SORBS2: variants seen among roughly 807,000 people sequenced by gnomAD.
SORBS2 encodes sorbin and SH3 domain-containing protein 2.
Under a neutral mutation model 97.7 loss-of-function variants are expected in SORBS2, and 46 were observed. The observed-to-expected ratio is 0.47, with a 90% confidence interval of 0.37 to 0.60. The LOEUF (loss-of-function observed/expected upper bound fraction) is 0.60. SORBS2 is among the 20% of genes least tolerant of loss of function. SORBS2 has a pLI of 0.00. For synonymous variants in SORBS2, 476 were observed against 473.4 expected (o/e 1.01, Z -0.07); for missense variants, 1,316 against 1,282.3 (o/e 1.03, Z -0.40).
chr4:185,638,489 G>C lies in SORBS2; in HGVS notation c.397-7891C>G, dbSNP rs577714970. On this transcript the variant is annotated intron_variant, in intron 4 of 14. Transcript: ENST00000418609. ...ACCACTCTCTGCGGCAGCGAGACTG[G>C]GTCTGGCTGGCACGCCTGATGTTTG... 2.0e-5 allele frequency among the ~76,000 whole-genome samples: 3 copies of C among 152,192 alleles called. No individual in the cohort carries two copies. The East Asian group carries it at 5.8e-4, about 29-fold the overall frequency.
chr4:185,857,551 G>T (rs1040957408), intron 1 of SORBS2, among the ~76,000 whole-genome samples: 1 of 152,168 alleles, frequency 6.6e-6, no homozygotes, highest in Admixed American at 6.5e-5. Context: ...GATTTTCAGG[G>T]AACAAGGAAA....
At chr4:185,930,549 C>G (rs1179605841) in intron 1 of SORBS2, among the ~76,000 whole-genome samples, 1 of 152,080 alleles carries the variant, frequency 6.6e-6, no homozygotes, top group Non-Finnish European at 1.5e-5. Flanking sequence ...CCGCCTGCCT[C>G]GGCCTCCCAA....
intron 1 of SORBS2, among the ~76,000 whole-genome samples, chr4:185,939,978 A>T (rs2099271045): frequency 6.6e-6 from 1 of 152,180 alleles, no homozygotes; most frequent in Admixed American, 6.5e-5. Flanking sequence ...TCTTGGTAGC[A>T]TTTGACCCAG....
chr4:185,695,700 AG>A (rs1296671766), intron 2 of SORBS2, among the ~76,000 whole-genome samples: 8 of 152,252 alleles, frequency 5.3e-5, no homozygotes, highest in Admixed American at 6.5e-5. Context: ...TGGTAAAATA[AG>A]AAGTATTCAT....
intron 7 of SORBS2, among the ~76,000 whole-genome samples, chr4:185,621,644 G>A (rs1354115120): frequency 6.6e-6 from 1 of 152,186 alleles, no homozygotes; most frequent in Admixed American, 6.5e-5. Flanking sequence ...TAAGTGTATA[G>A]TGTAGCAAAA....
intron 1 of SORBS2, among the ~76,000 whole-genome samples, chr4:185,799,945 C>T (rs2099122550): frequency 6.6e-6 from 1 of 152,178 alleles, no homozygotes; most frequent in Non-Finnish European, 1.5e-5. Flanking sequence ...CTCCTATAAT[C>T]CCATCACTTT....
intron 1 of SORBS2, among the ~76,000 whole-genome samples, chr4:185,912,780 A>C (rs1224310354): frequency 6.6e-6 from 1 of 152,128 alleles, no homozygotes; most frequent in Non-Finnish European, 1.5e-5. Flanking sequence ...TTTGCTCTGG[A>C]GAACATCAAG....
intron 1 of SORBS2, among the ~76,000 whole-genome samples, chr4:185,875,037 T>C (rs982841290): frequency 3.0e-4 from 45 of 152,146 alleles, no homozygotes; most frequent in Admixed American, 2.9e-3. Flanking sequence ...GAGGCAGTCA[T>C]TTGGAAATTC....
chr4:185,683,069 C>T (rs982132037), intron 2 of SORBS2, among the ~76,000 whole-genome samples: 1 of 151,532 alleles, frequency 6.6e-6, no homozygotes, highest in African/African-American at 2.4e-5. Context: ...TACTTTACGT[C>T]TAATTGACAC....
At chr4:185,587,497 G>A in exon 15 of SORBS2, 1 of 732,056 alleles carries the variant, frequency 1.4e-6, no homozygotes, top group Non-Finnish European at 2.4e-6. Flanking sequence ...GTGGTTTGGT[G>A]GCAGGTGGAG....
intron 1 of SORBS2, among the ~76,000 whole-genome samples, chr4:185,836,936 T>C (rs541842618): frequency 1.4e-4 from 21 of 152,342 alleles, no homozygotes; most frequent in Admixed American, 2.0e-4. Context: ...TTCACAAAGA[T>C]AGCTAAGCTG....
chr4:185,710,946 A>C (rs1540711), intron 2 of SORBS2, among the ~76,000 whole-genome samples: 134,077 of 152,170 alleles, frequency 0.88, 59,117 homozygotes, highest in Admixed American at 0.91. Flanking sequence ...GGATCCTATT[A>C]ATTAATTTGG....
At chr4:185,892,242 A>C (rs1208461747) in intron 1 of SORBS2, among the ~76,000 whole-genome samples, 1 of 152,224 alleles carries the variant, frequency 6.6e-6, no homozygotes, top group African/African-American at 2.4e-5. Context: ...AGAAGAATAA[A>C]GAGGTTAAAG....
chr4:185,664,068 A>T (rs535393457), intron 4 of SORBS2, among the ~76,000 whole-genome samples: 2 of 151,602 alleles, frequency 1.3e-5, no homozygotes, highest in African/African-American at 4.8e-5. Flanking sequence ...GTTAGCCAGG[A>T]TGGTCTCGAT....
chr4:185,660,750 G>A (rs945400472), upstream of SORBS2, among the ~76,000 whole-genome samples: 1 of 152,086 alleles, frequency 6.6e-6, no homozygotes, highest in African/African-American at 2.4e-5. Flanking sequence ...CTGGGTTTTA[G>A]TTTCTTTCCC....
intron 4 of SORBS2, among the ~76,000 whole-genome samples, chr4:185,668,616 T>C (rs2153482635): frequency 6.6e-6 from 1 of 152,274 alleles, no homozygotes; most frequent in East Asian, 1.9e-4. Flanking sequence ...TACACGTGTT[T>C]CTCCTGAGGA....
intron 2 of SORBS2, among the ~76,000 whole-genome samples, chr4:185,680,815 G>T (rs2097857349): frequency 6.6e-6 from 1 of 152,156 alleles, no homozygotes; most frequent in Non-Finnish European, 1.5e-5. Flanking sequence ...ATGATAGTCT[G>T]TAGGGGGCAG....
chr4:185,930,363 C>T (rs530482795), intron 1 of SORBS2, among the ~76,000 whole-genome samples: 16 of 152,142 alleles, frequency 1.1e-4, no homozygotes, highest in African/African-American at 3.1e-4. Context: ...GGTGCGATCT[C>T]GGCTCACTGC....
At chr4:185,634,219 G>A (rs952150300) in intron 4 of SORBS2, among the ~76,000 whole-genome samples, 1 of 152,082 alleles carries the variant, frequency 6.6e-6, no homozygotes, top group Admixed American at 6.5e-5. Context: ...AAGTTGAGAC[G>A]CTAGAAATTT....
Sources: allele counts gnomAD v4.1 joint callset (sites outside exome capture counted in the v4.1 genomes callset), GRCh38; gene constraint gnomAD v4.1.1; transcripts MANE v1.5; gene names NCBI Gene and HGNC (gene_info 2026-07-23, HGNC 2026-07-21).